Variants in INPP5F observed in about 807,000 individuals in gnomAD.
INPP5F encodes inositol polyphosphate-5-phosphatase F, also known as phosphatidylinositide 4-phosphatase SAC2.
Under a neutral mutation model 137.2 loss-of-function variants are expected in INPP5F, and 97 were observed. That is an observed-to-expected ratio of 0.71 (90% CI 0.60 to 0.84). INPP5F has a LOEUF of 0.84. Among genes scored for constraint, INPP5F ranks in the 40% least tolerant of loss-of-function variants. The pLI, the probability that INPP5F is intolerant of heterozygous loss-of-function variation, is 0.00. For missense variants in INPP5F, 1,271 were observed against 1,371.9 expected (o/e 0.93, Z 1.16); for synonymous variants, 504 against 476.9 (o/e 1.06, Z -0.74).
intron 2 of INPP5F, among the ~76,000 whole-genome samples, chr10:119,779,767 A>T (rs1564824546): frequency 2.0e-5 from 3 of 152,102 alleles, no homozygotes; most frequent in African/African-American, 7.2e-5. Context: ...GCTTACTGTA[A>T]CTTTTCTACT....
In INPP5F at chr10:119,827,766, A is replaced by G. The variant is rs1851833149; in HGVS notation, c.3385A>G (p.Ile1129Val). 1 of 1,601,640 alleles carries G rather than the reference A, an allele frequency of 6.2e-7. No homozygotes were observed. The highest frequency in any genetic ancestry group is 8.5e-7 in the Non-Finnish European group (1 of 1,174,300). Residue 1129 changes from isoleucine (I) to valine (V), a missense_variant, in exon 20 of 20, where the codon ATA (isoleucine) becomes GTA (valine). Transcript: ENST00000650623. ...KKMFIQCQTR[I>V]IQI ...GATGTTTATACAATGCCAGACACGGATAATTCAGATTTAGCTTTTAGCCAT... is the reference window on the plus strand; with the variant it reads ...GATGTTTATACAATGCCAGACACGGGTAATTCAGATTTAGCTTTTAGCCAT...
chr10:119,775,048 G>A (rs1267227479), intron 2 of INPP5F, among the ~76,000 whole-genome samples: 2 of 151,990 alleles, frequency 1.3e-5, no homozygotes, highest in Admixed American at 6.6e-5. Context: ...ATATCTACAC[G>A]TCATAATCTA....
rs533109968 is a variant in INPP5F, at chr10:119,794,893, C to T, written c.670-1822C>T. ...CTCCCGGACGGGGCGGCTGGCCGGGCGGGGGGCTGACCCCCCCACCTCCCT... is the reference window on the plus strand; with the variant it reads ...CTCCCGGACGGGGCGGCTGGCCGGGTGGGGGGCTGACCCCCCCACCTCCCT... On this transcript the variant is annotated intron_variant, in intron 6 of 19. Transcript: ENST00000650623. 9.9e-3 allele frequency among the ~76,000 whole-genome samples: 960 copies of T among 97,210 alleles called. 28 individuals carry two copies. The highest frequency in any genetic ancestry group is 0.034 in the African/African-American group (903 of 26,560). The allele number at this position is 97,210 out of a possible 152,430, so 63.8% of individuals were successfully genotyped here.
chr10:119,820,759 C>T, intron 15 of INPP5F, 87 bp from the exon 16 acceptor site: 2 of 1,065,252 alleles, frequency 1.9e-6, no homozygotes, highest in Non-Finnish European at 2.9e-6. Flanking sequence ...AATTTTTTGT[C>T]CTAAGTAGCT....
intron 15 of INPP5F, among the ~76,000 whole-genome samples, chr10:119,818,363 C>T (rs1371922123): frequency 1.3e-5 from 2 of 152,250 alleles, no homozygotes; most frequent in Admixed American, 6.5e-5. Context: ...GTCGCCTGCC[C>T]GGTCCAGCAG....
intron 15 of INPP5F, among the ~76,000 whole-genome samples, chr10:119,820,203 G>C (rs1041494810): frequency 2.6e-5 from 4 of 152,076 alleles, no homozygotes; most frequent in Admixed American, 2.6e-4. Flanking sequence ...TGGTTTCATG[G>C]TTCATGAACA....
Position 119,797,601 on chromosome 10 carries a change from G to A in INPP5F, c.1009G>A (p.Val337Ile). 1 of 1,613,254 alleles carries A rather than the reference G, an allele frequency of 6.2e-7. No homozygotes were observed. The highest frequency in any genetic ancestry group is 1.1e-5 in the South Asian group (1 of 90,748). ...CTCTGTGCCTGTCTTTTGGAGCCAG[G>A]TTGGGTATCGATATAACCCAAGACC... ...RGSVPVFWSQ[V>I]GYRYNPRPRL... is the part of the protein sequence containing the mutation. The change falls in exon 8 of 20, where the codon GTT (valine) becomes ATT (isoleucine). Residue 337 changes from valine to isoleucine, a missense_variant. By Grantham distance (29) the Val-to-Ile change is conservative. This residue lies in a region of INPP5F where 593 missense variants were observed against 712.4 expected (regional missense o/e 0.83). Coordinates refer to ENST00000650623, the MANE Select transcript of INPP5F (RefSeq NM_014937.4).
chr10:119,805,373 A>C lies in INPP5F; in HGVS notation c.1242-11A>C, dbSNP rs1242599565. 6.2e-7 allele frequency: 1 copy of C among 1,605,928 alleles called. No homozygotes were observed. Among genetic ancestry groups the C allele is most frequent in the Admixed American group, 1.7e-5 (1 of 59,692 alleles). On this transcript the variant is annotated splice_polypyrimidine_tract_variant and intron_variant, in intron 10 of 19. Transcript: ENST00000650623. ...TTAAAGATTTTTTCTTTCTTTTGGC[A>C]TGGATTTTAGCCGAGGAATGAAGTT...
chr10:119,826,679 C>A lies in INPP5F; in HGVS notation c.2298C>A (p.Asn766Lys). Reference protein sequence around the residue: ...HEDIIGIRSQNQGSLAQGKNF... With the variant: ...HEDIIGIRSQKQGSLAQGKNF... ...ACATCATTGGTATCAGGTCTCAAAA[C>A]CAAGGTTCTTTGGCCCAGGGAAAGA... The change falls in exon 20 of 20, where the codon AAC becomes AAA. Residue 766 changes from asparagine (N) to lysine (K), a missense_variant. By Grantham distance (94) the Asn-to-Lys change is moderately conservative (BLOSUM62 0). Coordinates refer to ENST00000650623, the MANE Select transcript of INPP5F (RefSeq NM_014937.4). The A allele has an allele frequency of 1.9e-6, 3 of 1,608,704 alleles. No individual in the cohort carries two copies. Among genetic ancestry groups the A allele is most frequent in the Non-Finnish European group, 2.5e-6 (3 of 1,178,732 alleles).
chr10:119,818,478 C>G (rs999987923), intron 15 of INPP5F, among the ~76,000 whole-genome samples: 43 of 152,358 alleles, frequency 2.8e-4, no homozygotes, highest in Middle Eastern at 3.4e-3. Flanking sequence ...CGCCAGCGCC[C>G]CCCTCCAGCC....
In INPP5F at chr10:119,738,465, TC is replaced by T. The variant is rs1258670024; in HGVS notation, c.97+12107del. On this transcript the variant is annotated intron_variant, in intron 1 of 19. Transcript: ENST00000650623. ...GATAGTATGAGCCCGCTGGCCATTT[TC>T]TCTGCCATTCCAGTGCCTTCTGCCC... is the stretch of plus-strand genomic sequence containing the variant. Among the ~76,000 whole-genome samples the T allele has an allele frequency of 3.4e-4, 52 of 152,350 alleles. No individual in the cohort carries two copies. The East Asian group carries it at 8.9e-3, about 26-fold the overall frequency.
intron 2 of INPP5F, 21 bp from the exon 3 acceptor site, chr10:119,781,612 TTA>T (rs754597044): frequency 2.5e-6 from 4 of 1,591,768 alleles, no homozygotes; most frequent in Admixed American, 1.7e-5. Flanking sequence ...ACGCCAGACT[TTA>T]TTATGACTCT....
chr10:119,730,495 G>A (rs1848025546), intron 1 of INPP5F, among the ~76,000 whole-genome samples: 1 of 152,176 alleles, frequency 6.6e-6, no homozygotes, highest in South Asian at 2.1e-4. Flanking sequence ...AATATCTCAG[G>A]ATAAGAATTG....
intron 2 of INPP5F, among the ~76,000 whole-genome samples, chr10:119,763,415 G>C (rs1037149573): frequency 6.6e-6 from 1 of 152,250 alleles, no homozygotes; most frequent in Non-Finnish European, 1.5e-5. Context: ...AACCAAGGAA[G>C]CAGCCCTGAT....
intron 6 of INPP5F, among the ~76,000 whole-genome samples, chr10:119,794,172 G>C (rs1425675525): frequency 1.3e-5 from 2 of 151,810 alleles, no homozygotes; most frequent in Non-Finnish European, 2.9e-5. Flanking sequence ...GCGGCCTTCC[G>C]CAGTGTTTGT....
chr10:119,791,471 C>A, intron 3 of INPP5F, 46 bp from the exon 4 acceptor site: 1 of 1,482,494 alleles, frequency 6.7e-7, no homozygotes, highest in Admixed American at 1.9e-5. Flanking sequence ...GAACATTTAA[C>A]AAACAGGTAT....
At chr10:119,779,369 G>A (rs1198135259) in intron 2 of INPP5F, among the ~76,000 whole-genome samples, 11 of 152,062 alleles carry the variant, frequency 7.2e-5, no homozygotes, top group Admixed American at 4.6e-4. Flanking sequence ...ACATGTAGGC[G>A]ACACTGACTT....
chr10:119,740,137 C>A (rs1848332771), intron 1 of INPP5F, among the ~76,000 whole-genome samples: 2 of 152,154 alleles, frequency 1.3e-5, no homozygotes, highest in African/African-American at 4.8e-5. Context: ...TTTCCCCAGC[C>A]TTAGGACCTT....
Position 119,808,053 on chromosome 10 carries a change from C to T in INPP5F, c.1562C>T (p.Ala521Val). 6.2e-7 allele frequency: 1 copy of T among 1,611,932 alleles called. No homozygotes were observed. Among genetic ancestry groups the T allele is most frequent in the Non-Finnish European group, 8.5e-7 (1 of 1,179,308 alleles). The change falls in exon 13 of 20, where the codon GCT becomes GTT. Residue 521 changes from alanine to valine, a missense_variant. Transcript: ENST00000650623. ...SISRQYAGTA[A>V]LKGDFTRTGE... ...AGCAGACAGTATGCTGGGACAGCTG[C>T]TCTGAAGGTAAATACTTGCAGGAAG...
Sources: gnomAD v4.1 joint callset for allele counts (sites outside exome capture counted in the v4.1 genomes callset) on GRCh38, gnomAD v4.1.1 for gene constraint, gnomAD v4.1.1 regional missense constraint, MANE v1.5 for transcripts, NCBI Gene and HGNC (gene_info 2026-07-23, HGNC 2026-07-21) for gene names.